METTL16: variants seen among roughly 807,000 people sequenced by gnomAD.
The protein encoded by METTL16 is RNA N(6)-adenosine-methyltransferase METTL16.
METTL16 carries 19 observed loss-of-function variants against 57.9 expected under a neutral mutation model. That is an observed-to-expected ratio of 0.33 (90% CI 0.23 to 0.48). The LOEUF (loss-of-function observed/expected upper bound fraction) is 0.48. METTL16 is among the 20% of genes least tolerant of loss of function. The pLI is 0.99. For synonymous variants in METTL16, 246 were observed against 255.6 expected (o/e 0.96, Z 0.36); for missense variants, 434 against 691.5 (o/e 0.63, Z 4.18).
At chr17:2,505,446 G>A (rs1046382480) in intron 1 of METTL16, among the ~76,000 whole-genome samples, 7 of 92,490 alleles carry the variant, frequency 7.6e-5, no homozygotes, top group East Asian at 3.5e-4. Context: ...ACATGGTTTC[G>A]TTATGTTGGC....
At chr17:2,499,084 C>T (rs2151579012) in intron 2 of METTL16, among the ~76,000 whole-genome samples, 1 of 151,682 alleles carries the variant, frequency 6.6e-6, no homozygotes, top group African/African-American at 2.4e-5. Flanking sequence ...GGTACGGTCT[C>T]CTTTTCATGT....
intron 5 of METTL16, 150 bp downstream of exon 5, chr17:2,467,611 A>G: frequency 1.9e-6 from 1 of 537,404 alleles, no homozygotes. Context: ...TATCTTTAGT[A>G]GAGACGGAGT....
intron 8 of METTL16, among the ~76,000 whole-genome samples, chr17:2,435,635 G>C (rs984568238): frequency 5.3e-5 from 8 of 152,152 alleles, no homozygotes; most frequent in Admixed American, 4.6e-4. Context: ...CAGAACACTT[G>C]GGAGTGCATT....
intron 4 of METTL16, among the ~76,000 whole-genome samples, chr17:2,470,328 C>T (rs556962240): frequency 1.3e-5 from 2 of 151,472 alleles, no homozygotes; most frequent in East Asian, 1.9e-4. Flanking sequence ...AACCCCAAAA[C>T]GTGGTATTAA....
At chr17:2,428,075 G>A (rs1240384158) in intron 8 of METTL16, among the ~76,000 whole-genome samples, 1 of 151,690 alleles carries the variant, frequency 6.6e-6, no homozygotes, top group Non-Finnish European at 1.5e-5. Context: ...GGAAAAGAAA[G>A]GAAAGGAATC....
intron 2 of METTL16, among the ~76,000 whole-genome samples, chr17:2,489,783 CTT>C (rs1167984553): frequency 7.2e-6 from 1 of 138,624 alleles, no homozygotes; most frequent in Admixed American, 7.3e-5. Flanking sequence ...TGCCCAGTGA[CTT>C]ACCCTAAATT....
At chr17:2,464,444 A>G in intron 5 of METTL16, 94 bp from the exon 6 acceptor site, 1 of 1,230,302 alleles carries the variant, frequency 8.1e-7, no homozygotes, top group East Asian at 2.6e-5. Flanking sequence ...GTTTAGTTGC[A>G]ATTTTTACTT....
chr17:2,443,094 T>A (rs1405621528), intron 6 of METTL16, among the ~76,000 whole-genome samples: 1 of 152,096 alleles, frequency 6.6e-6, no homozygotes, highest in Non-Finnish European at 1.5e-5. Context: ...GCTCAAGCGA[T>A]TTTCCCGCCT....
chr17:2,462,384 C>A (rs1271109691), intron 6 of METTL16, among the ~76,000 whole-genome samples: 2 of 152,134 alleles, frequency 1.3e-5, no homozygotes, highest in East Asian at 1.9e-4. Context: ...ATGAAGAGTT[C>A]TGGAGACTGC....
chr17:2,510,853 G>C (rs1484235786), intron 1 of METTL16, among the ~76,000 whole-genome samples: 1 of 151,902 alleles, frequency 6.6e-6, no homozygotes, highest in Non-Finnish European at 1.5e-5. Flanking sequence ...TTGTAGAAAG[G>C]GAGTCTGGCT....
chr17:2,492,089 T>G (rs1258286328), intron 2 of METTL16, among the ~76,000 whole-genome samples: 1 of 150,724 alleles, frequency 6.6e-6, no homozygotes, highest in South Asian at 2.1e-4. Flanking sequence ...CGGGTGCCTG[T>G]AGTCCCAGCT....
intron 2 of METTL16, among the ~76,000 whole-genome samples, chr17:2,484,536 C>T (rs1242393348): frequency 2.0e-5 from 3 of 151,902 alleles, no homozygotes; most frequent in Non-Finnish European, 4.4e-5. Flanking sequence ...TTCTTGTCGC[C>T]CAGCCTGGAG....
intron 6 of METTL16, among the ~76,000 whole-genome samples, chr17:2,450,958 G>A (rs2067064288): frequency 6.6e-6 from 1 of 152,124 alleles, no homozygotes; most frequent in Admixed American, 6.6e-5. Context: ...AAAACTGTAT[G>A]AAACTGACAT....
rs914344622 is a variant in METTL16, at chr17:2,430,292, T to C, written c.888+7817A>G. On this transcript the variant is annotated intron_variant, in intron 8 of 9. Transcript: ENST00000263092. ...CACTCCTGGCTATTTTTTTTTTTCATAGAGACAGCGCTGCTGTACCTAAAA... is the reference window on the plus strand; with the variant it reads ...CACTCCTGGCTATTTTTTTTTTTCACAGAGACAGCGCTGCTGTACCTAAAA... Among the ~76,000 whole-genome samples the C allele has an allele frequency of 4.0e-5, 6 of 151,762 alleles. No homozygotes were observed. In the East Asian group the frequency reaches 5.8e-4, roughly 15 times the overall value.
chr17:2,420,765 G>A lies in METTL16; in HGVS notation c.1028C>T (p.Thr343Met), dbSNP rs757166872. ...AGTGAGAATTTTTTCAATCCATGTC[G>A]TGACAACGACTATGCCTTCCGCCGT... Reference protein sequence around the residue: ...SETAEGIVVVTTWIEKILTDL... With the variant: ...SETAEGIVVVMTWIEKILTDL... Residue 343 changes from threonine to methionine, a missense_variant, in exon 9 of 10, where the codon ACG becomes ATG. This residue lies in a region of METTL16 where 96 missense variants were observed against 138.3 expected (regional missense o/e 0.69). Transcript: ENST00000263092. The surrounding 1 kb of genome is among the most constrained non-coding windows in gnomAD (Gnocchi z 5.4). 4.3e-6 allele frequency: 7 copies of A among 1,613,794 alleles called. No individual in the cohort carries two copies. The Admixed American group carries it at 6.7e-5, about 15-fold the overall frequency.
At position 2,490,625 on chromosome 17, in the gene METTL16, AT is replaced by A. The variant is rs576764769; in HGVS notation, c.128+11578del. ...GTCTATAATGTCTGTATAGTAAAAA[AT>A]AATTCCTTTTTTGAAAACCAGAAAA... On this transcript the variant is annotated intron_variant, in intron 2 of 9. Coordinates refer to ENST00000263092, the MANE Select transcript of METTL16 (RefSeq NM_024086.4). 1.7e-4 allele frequency among the ~76,000 whole-genome samples: 26 copies of A among 152,332 alleles called. 1 individual carries two copies. In the South Asian group the frequency reaches 3.9e-3, roughly 23 times the overall value.
intron 2 of METTL16, among the ~76,000 whole-genome samples, chr17:2,491,178 T>C (rs2067385559): frequency 6.6e-6 from 1 of 152,194 alleles, no homozygotes; most frequent in African/African-American, 2.4e-5. Context: ...ATTTCAGAGA[T>C]CACAGGGAGG....
At chr17:2,493,093 T>A (rs2067413020) in intron 2 of METTL16, among the ~76,000 whole-genome samples, 1 of 151,330 alleles carries the variant, frequency 6.6e-6, no homozygotes, top group Non-Finnish European at 1.5e-5. Context: ...ACATTTCTTT[T>A]CCATCATTAG....
intron 3 of METTL16, chr17:2,475,251 C>T (rs950727632): frequency 2.0e-5 from 3 of 152,110 alleles, no homozygotes; most frequent in African/African-American, 4.8e-5. Context: ...CATTTTTGCC[C>T]GAGGGTATCC....
Sources: allele counts gnomAD v4.1 joint callset (sites outside exome capture counted in the v4.1 genomes callset), GRCh38; gene constraint gnomAD v4.1.1; regional missense constraint gnomAD v4.1.1; non-coding constraint Gnocchi (gnomAD v3.1); transcripts MANE v1.5; gene names NCBI Gene and HGNC (gene_info 2026-07-23, HGNC 2026-07-21).